MAP2K5: variants seen among roughly 807,000 people sequenced by gnomAD.
The protein encoded by MAP2K5 is mitogen-activated protein kinase kinase 5, also known as dual specificity mitogen-activated protein kinase kinase 5.
MAP2K5 carries 49 observed loss-of-function variants against 83.1 expected under a neutral mutation model. The observed-to-expected ratio is 0.59, with a 90% CI of 0.47 to 0.75. MAP2K5 has a LOEUF of 0.75. Ranked by LOEUF, MAP2K5 falls within the 30% of genes least tolerant of loss-of-function variation. The probability of loss-of-function intolerance (pLI) is 0.00; values close to 1 mark genes in which losing one functional copy is unlikely to be tolerated. For synonymous variants in MAP2K5, 202 were observed against 191.8 expected, an observed-to-expected ratio of 1.05 and a Z score of -0.44; for missense variants, 457 against 557.5, an observed-to-expected ratio of 0.82 and a Z score of 1.82.
At chr15:67,763,203 A>G (rs1204590896) in intron 19 of MAP2K5, among the ~76,000 whole-genome samples, 1 of 152,038 alleles carries the variant, frequency 6.6e-6, no homozygotes, top group African/African-American at 2.4e-5. Context: ...CCCTTGTAAC[A>G]CACCGAGAAG....
intron 11 of MAP2K5, among the ~76,000 whole-genome samples, chr15:67,649,674 C>T (rs575361998): frequency 4.6e-5 from 7 of 152,218 alleles, no homozygotes; most frequent in Admixed American, 1.3e-4. Context: ...GTATACATCT[C>T]GCATTGATCT....
At position 67,543,276 on chromosome 15, in the gene MAP2K5, C is replaced by G. The variant is rs1291842799; in HGVS notation, c.-60C>G. The G allele has an allele frequency of 1.3e-6, 2 of 1,598,874 alleles. No individual in the cohort carries two copies. The highest frequency in any genetic ancestry group is 1.3e-5 in the African/African-American group (1 of 74,842). Reference sequence around the variant, plus strand: ...TCCCCTTGTCACCTCTTGGAGCCCCCTCCTAACCAGCGGCCAGTGGGTTTC... The same window carrying G: ...TCCCCTTGTCACCTCTTGGAGCCCCGTCCTAACCAGCGGCCAGTGGGTTTC... On this transcript the variant is annotated 5_prime_UTR_variant, in exon 1 of 22. Transcript: ENST00000178640. The surrounding 1 kb of genome is among the most constrained non-coding windows in gnomAD (Gnocchi z 4.3).
At position 67,757,733 on chromosome 15, in the gene MAP2K5, G is replaced by A. The variant is rs987015487; in HGVS notation, c.1134+9132G>A. Among the ~76,000 whole-genome samples the A allele has an allele frequency of 4.6e-5, 7 of 152,052 alleles. No homozygotes were observed. Among genetic ancestry groups the A allele is most frequent in the African/African-American group, 9.7e-5 (4 of 41,382 alleles). On this transcript the variant is annotated intron_variant, in intron 19 of 21. Transcript: ENST00000178640. This position sits in a 1 kb window ranked among gnomAD's most constrained non-coding sequence, Gnocchi z 4.9. Reference sequence around the variant, plus strand: ...ACGAGACTTGATGGCCTGGGCTCTCGGAGGACCACAGTGACTATCATTTTA... The same window carrying A: ...ACGAGACTTGATGGCCTGGGCTCTCAGAGGACCACAGTGACTATCATTTTA...
chr15:67,723,698 C>T (rs1025764839), intron 16 of MAP2K5, among the ~76,000 whole-genome samples: 2 of 151,996 alleles, frequency 1.3e-5, no homozygotes, highest in African/African-American at 4.8e-5. Context: ...GGATATGAGA[C>T]CCATTTGATG....
intron 16 of MAP2K5, among the ~76,000 whole-genome samples, chr15:67,703,761 G>A (rs140563758): frequency 1.3e-5 from 2 of 152,296 alleles, no homozygotes; most frequent in African/African-American, 2.4e-5. Flanking sequence ...TGGAGAACCC[G>A]TGATGTAAAA....
chr15:67,683,142 C>CA (rs546008036), intron 13 of MAP2K5, among the ~76,000 whole-genome samples: 2,638 of 142,018 alleles, frequency 0.019, 83 homozygotes, highest in African/African-American at 0.063. Flanking sequence ...AACTCTGTCT[C>CA]AAAAAAAAAA....
chr15:67,620,688 G>A (rs898278917), intron 8 of MAP2K5, among the ~76,000 whole-genome samples: 8 of 152,142 alleles, frequency 5.3e-5, no homozygotes, highest in Non-Finnish European at 4.4e-5. Context: ...AAAATAATAT[G>A]TTAAGATGAG....
intron 20 of MAP2K5, among the ~76,000 whole-genome samples, chr15:67,771,971 G>A (rs150463052): frequency 3.3e-4 from 51 of 152,328 alleles, no homozygotes; most frequent in African/African-American, 1.2e-3. Flanking sequence ...TCCATCCCAT[G>A]TGTGAGTGCT....
At position 67,748,985 on chromosome 15, in the gene MAP2K5, A is replaced by T. The variant is rs959107050; in HGVS notation, c.1134+384A>T. Among the ~76,000 whole-genome samples, 1 of 152,372 alleles carries T rather than the reference A, an allele frequency of 6.6e-6. No individual in the cohort carries two copies. Among genetic ancestry groups the T allele is most frequent in the East Asian group, 1.9e-4 (1 of 5,192 alleles). On this transcript the variant is annotated intron_variant, in intron 19 of 21. Coordinates refer to ENST00000178640, the MANE Select transcript of MAP2K5 (RefSeq NM_145160.3). The surrounding 1 kb of genome is among the most constrained non-coding windows in gnomAD (Gnocchi z 4.0). ...GGGTCAGAGTTGAAGAGCAAGCATA[A>T]GCTGGATGAAATTTGCCTGCCTTGA...
In MAP2K5 at chr15:67,777,527, G is replaced by A. The variant is rs768817299; in HGVS notation, c.1242+4775G>A. 2.0e-5 allele frequency among the ~76,000 whole-genome samples: 3 copies of A among 152,060 alleles called. No homozygotes were observed. Among genetic ancestry groups the A allele is most frequent in the Admixed American group, 6.5e-5 (1 of 15,268 alleles). On this transcript the variant is annotated intron_variant, in intron 21 of 21. Coordinates refer to ENST00000178640, the MANE Select transcript of MAP2K5 (RefSeq NM_145160.3). This position sits in a 1 kb window ranked among gnomAD's most constrained non-coding sequence, Gnocchi z 6.0. ...CCCCCTCCTTTGTAGCATGCACTTC[G>A]GCTGTGGTAAAAGTACGTATCACAT...
chr15:67,779,211 A>AT lies in MAP2K5; in HGVS notation c.1242+6468dup, dbSNP rs1378903599. ...GTAGGGTCCAGCTGACAACCATGGA[A>AT]TTTTTTTTTAAGTTCTGAAGGCCAT... is the stretch of plus-strand genomic sequence containing the variant. On this transcript the variant is annotated intron_variant, in intron 21 of 21. Transcript: ENST00000178640. This position sits in a 1 kb window ranked among gnomAD's most constrained non-coding sequence, Gnocchi z 4.6. 2.6e-5 allele frequency among the ~76,000 whole-genome samples: 4 copies of AT among 151,702 alleles called. No homozygotes were observed. The highest frequency in any genetic ancestry group is 4.4e-5 in the Non-Finnish European group (3 of 67,906).
chr15:67,752,169 G>A (rs1277903070), intron 19 of MAP2K5, among the ~76,000 whole-genome samples: 3 of 151,928 alleles, frequency 2.0e-5, no homozygotes, highest in East Asian at 2.0e-4. Flanking sequence ...GGGTTCAAGC[G>A]ATTCTCCTGT....
chr15:67,586,932 A>C lies in MAP2K5; in HGVS notation c.431+19A>C. The C allele has an allele frequency of 6.2e-7, 1 of 1,613,608 alleles. No individual in the cohort carries two copies. Among genetic ancestry groups the C allele is most frequent in the Non-Finnish European group, 8.5e-7 (1 of 1,179,572 alleles). On this transcript the variant is annotated intron_variant, in intron 6 of 21. Coordinates refer to ENST00000178640, the MANE Select transcript of MAP2K5 (RefSeq NM_145160.3). ...GCAATAGGTGCGAGCGAGCAAGTAAAGTGTGCCCTTGATGTGATTTATCTA... is the reference window on the plus strand; with the variant it reads ...GCAATAGGTGCGAGCGAGCAAGTAACGTGTGCCCTTGATGTGATTTATCTA...
Position 67,790,941 on chromosome 15 carries a change from A to C in MAP2K5, c.1243-15705A>C, listed in dbSNP as rs555627554. On this transcript the variant is annotated intron_variant, in intron 21 of 21. Coordinates refer to ENST00000178640, the MANE Select transcript of MAP2K5 (RefSeq NM_145160.3). This position sits in a 1 kb window ranked among gnomAD's most constrained non-coding sequence, Gnocchi z 4.6. The stretch of plus-strand genomic sequence containing the variant: ...TGTTCTCCATATTTTACAGAAGACG[A>C]GTCAGAGCTAGGGGGAATAAGCTGT... 2.0e-5 allele frequency among the ~76,000 whole-genome samples: 3 copies of C among 152,284 alleles called. No individual in the cohort carries two copies. The highest frequency in any genetic ancestry group is 2.0e-4 in the Admixed American group (3 of 15,300).
chr15:67,631,789 C>T (rs914860720), intron 9 of MAP2K5, among the ~76,000 whole-genome samples: 22 of 152,216 alleles, frequency 1.4e-4, no homozygotes, highest in Non-Finnish European at 2.8e-4. Flanking sequence ...TCTCAGATTT[C>T]CTTAATGGAC....
At chr15:67,696,829 A>G (rs939261783) in intron 15 of MAP2K5, among the ~76,000 whole-genome samples, 1 of 152,152 alleles carries the variant, frequency 6.6e-6, no homozygotes, top group Non-Finnish European at 1.5e-5. Context: ...AATACAAAAA[A>G]TCAGCTGGGC....
At chr15:67,627,385 T>C (rs999858416) in intron 8 of MAP2K5, among the ~76,000 whole-genome samples, 3 of 152,254 alleles carry the variant, frequency 2.0e-5, no homozygotes, top group Admixed American at 1.3e-4. Context: ...ATCTTGCTTT[T>C]TCTTTAAATG....
At chr15:67,716,834 A>T (rs1208629498) in intron 16 of MAP2K5, among the ~76,000 whole-genome samples, 1 of 152,218 alleles carries the variant, frequency 6.6e-6, no homozygotes, top group Non-Finnish European at 1.5e-5. Flanking sequence ...TGTAACACTT[A>T]ACAAAGCTAT....
intron 19 of MAP2K5, among the ~76,000 whole-genome samples, chr15:67,762,702 A>G (rs951701596): frequency 5.9e-5 from 9 of 152,240 alleles, no homozygotes; most frequent in African/African-American, 1.9e-4. Flanking sequence ...AATAGGAAAA[A>G]AAATCTCTAT....
Sources: allele counts gnomAD v4.1 joint callset (sites outside exome capture counted in the v4.1 genomes callset), GRCh38; gene constraint gnomAD v4.1.1; non-coding constraint Gnocchi (gnomAD v3.1); transcripts MANE v1.5; gene names NCBI Gene and HGNC (gene_info 2026-07-23, HGNC 2026-07-21).